Variants in TENM3 observed in about 807,000 individuals in gnomAD.
TENM3 encodes the protein teneurin transmembrane protein 3.
Under a neutral mutation model 255.1 loss-of-function variants are expected in TENM3, and 63 were observed. The observed-to-expected ratio is 0.25, with a 90% confidence interval of 0.20 to 0.30. The LOEUF (loss-of-function observed/expected upper bound fraction) is 0.30, where lower values mean the gene tolerates loss of function less well. Among genes scored for constraint, TENM3 ranks in the 10% least tolerant of loss-of-function variants. The probability of loss-of-function intolerance (pLI) is 1.00; values close to 1 mark genes in which losing one functional copy is unlikely to be tolerated. For synonymous variants in TENM3, 1,306 were observed against 1,322.3 expected (o/e 0.99, Z 0.27); for missense variants, 2,929 against 3,461.1 (o/e 0.85, Z 3.86).
At chr4:182,467,566 G>T (rs1442885281) in intron 3 of TENM3, among the ~76,000 whole-genome samples, 1 of 152,086 alleles carries the variant, frequency 6.6e-6, no homozygotes, top group Non-Finnish European at 1.5e-5. Context: ...TTATGTTCCC[G>T]AGGAATGATG....
the TENM3 span, among the ~76,000 whole-genome samples, chr4:182,006,747 T>G: frequency 2.6e-5 from 4 of 152,242 alleles, no homozygotes; most frequent in South Asian, 6.2e-4. Context: ...TTCTTTGATC[T>G]TAGTTATCGT....
In TENM3 at chr4:182,517,989, C is replaced by T. The variant is rs867894406; in HGVS notation, c.512-82935C>T. ...GTGCTGCCTCTGCTTGCTTCACCAA[C>T]ACCACTACTTGATGAAGACTCCCTA... On this transcript the variant is annotated intron_variant, in intron 3 of 27. Coordinates refer to ENST00000511685, the MANE Select transcript of TENM3 (RefSeq NM_001080477.4). 5.3e-5 allele frequency among the ~76,000 whole-genome samples: 8 copies of T among 152,200 alleles called. No individual in the cohort carries two copies. The Middle Eastern group carries it at 0.01, about 194-fold the overall frequency.
chr4:181,856,033 G>GAAGGAC, the TENM3 span, among the ~76,000 whole-genome samples: 1 of 27,090 alleles, frequency 3.7e-5, no homozygotes, highest in Non-Finnish European at 1.3e-4. Flanking sequence ...AGGAAGGAAA[G>GAAGGAC]GAAGAAGGAA....
intron 1 of TENM3, among the ~76,000 whole-genome samples, chr4:182,156,503 C>T (rs921399753): frequency 1.3e-5 from 2 of 152,040 alleles, no homozygotes; most frequent in South Asian, 2.1e-4. Context: ...AACCCTCCCC[C>T]TCTCCCCGCC....
chr4:181,653,662 G>C, the TENM3 span, among the ~76,000 whole-genome samples: 8 of 149,724 alleles, frequency 5.3e-5, no homozygotes, highest in South Asian at 4.2e-4. Context: ...GCCTCCCAAA[G>C]TGTTAGGATT....
At chr4:181,631,023 C>A in the TENM3 span, among the ~76,000 whole-genome samples, 1 of 152,144 alleles carries the variant, frequency 6.6e-6, no homozygotes, top group South Asian at 2.1e-4. Flanking sequence ...TCTCTGATTG[C>A]GGTATCAATA....
chr4:181,626,380 CTAATT>C, the TENM3 span, among the ~76,000 whole-genome samples: 1 of 152,090 alleles, frequency 6.6e-6, no homozygotes, highest in Non-Finnish European at 1.5e-5. Context: ...ATACCTGAGA[CTAATT>C]TATATAAGAA....
the TENM3 span, among the ~76,000 whole-genome samples, chr4:181,838,359 G>A: frequency 6.6e-6 from 1 of 152,152 alleles, no homozygotes; most frequent in African/African-American, 2.4e-5. Flanking sequence ...TTGGCATCTA[G>A]AATTTGCTCA....
intron 1 of TENM3, among the ~76,000 whole-genome samples, chr4:182,234,554 G>T (rs2150032378): frequency 6.6e-6 from 1 of 152,204 alleles, no homozygotes; most frequent in African/African-American, 2.4e-5. Context: ...CCTACATAGT[G>T]AAACAACATC....
chr4:182,144,996 G>T (rs905062422), intron 1 of TENM3: 1 of 151,966 alleles, frequency 6.6e-6, no homozygotes, highest in Non-Finnish European at 1.5e-5. Flanking sequence ...GGCGCCTCTC[G>T]CCCGGGGAGC....
chr4:182,461,165 T>C lies in TENM3; in HGVS notation c.511+114236T>C, dbSNP rs567263022. ...CTTCATTCACTTTCCTGCCTTAAAC[T>C]TTTCTCTTTAATCCAAAAAAGCAAA... On this transcript the variant is annotated intron_variant, in intron 3 of 27. Transcript: ENST00000511685. Among the ~76,000 whole-genome samples, 7 of 152,336 alleles carry C rather than the reference T, an allele frequency of 4.6e-5. No individual in the cohort carries two copies. In the South Asian group the frequency reaches 1.4e-3, roughly 32 times the overall value.
intron 5 of TENM3, among the ~76,000 whole-genome samples, chr4:182,641,144 A>G (rs1752268738): frequency 6.6e-6 from 1 of 152,208 alleles, no homozygotes; most frequent in Admixed American, 6.5e-5. Flanking sequence ...TGCCTACATT[A>G]CTGAAGGATC....
chr4:182,032,947 G>A, the TENM3 span, among the ~76,000 whole-genome samples: 1 of 150,450 alleles, frequency 6.6e-6, no homozygotes. Context: ...TTCTTTATTA[G>A]TCTAGCTAGA....
At chr4:182,727,662 A>C (rs559626715) in intron 13 of TENM3, among the ~76,000 whole-genome samples, 1 of 152,112 alleles carries the variant, frequency 6.6e-6, no homozygotes, top group South Asian at 2.1e-4. Flanking sequence ...CTCATCCATT[A>C]TTCCTTTTAT....
chr4:182,733,457 TAGG>T (rs1760931979), intron 16 of TENM3, among the ~76,000 whole-genome samples: 1 of 151,668 alleles, frequency 6.6e-6, no homozygotes, highest in Non-Finnish European at 1.5e-5. Context: ...GGAGGCCAGT[TAGG>T]AGGCAACCTC....
chr4:181,755,746 G>A, the TENM3 span, among the ~76,000 whole-genome samples: 10 of 151,820 alleles, frequency 6.6e-5, no homozygotes, highest in Admixed American at 5.3e-4. Flanking sequence ...TGCCTTTCCC[G>A]TTCTCTGTGG....
At chr4:181,850,048 C>T in the TENM3 span, among the ~76,000 whole-genome samples, 2 of 151,424 alleles carry the variant, frequency 1.3e-5, no homozygotes, top group Non-Finnish European at 2.9e-5. Flanking sequence ...CTCTTTCTCC[C>T]TTCTTGCCTT....
chr4:181,537,859 T>A, the TENM3 span, among the ~76,000 whole-genome samples: 6 of 152,200 alleles, frequency 3.9e-5, no homozygotes, highest in Admixed American at 2.0e-4. Flanking sequence ...CTGCATTAAT[T>A]TACCAACAGT....
the TENM3 span, among the ~76,000 whole-genome samples, chr4:182,058,126 A>G: frequency 1.6e-5 from 2 of 124,164 alleles, no homozygotes; most frequent in African/African-American, 5.6e-5. Context: ...AATAATTCCC[A>G]TATCTTTTTA....
Sources: gnomAD v4.1 joint callset for allele counts (sites outside exome capture counted in the v4.1 genomes callset) on GRCh38, gnomAD v4.1.1 for gene constraint, MANE v1.5 for transcripts, NCBI Gene and HGNC (gene_info 2026-07-23, HGNC 2026-07-21) for gene names.